FADS2: variants seen among roughly 807,000 people sequenced by gnomAD.
The protein encoded by FADS2 is acyl-CoA 6-desaturase.
A neutral mutation model predicts 61.2 loss-of-function variants in FADS2; 18 were observed. That is an observed-to-expected ratio of 0.29 (90% CI 0.20 to 0.44). The LOEUF is 0.44. Ranked by LOEUF, FADS2 falls within the 20% of genes least tolerant of loss-of-function variation. FADS2 has a pLI of 1.00. For synonymous variants in FADS2, 203 were observed against 223.9 expected (o/e 0.91, Z 0.83); for missense variants, 322 against 572.7 (o/e 0.56, Z 4.47).
intron 5 of FADS2, among the ~76,000 whole-genome samples, chr11:61,850,540 C>T (rs2727263): frequency 0.083 from 12,603 of 152,182 alleles, 1,022 homozygotes; most frequent in East Asian, 0.41. Context: ...TAAGCCACCG[C>T]GCCTGGCCCA....
rs753579199 is a variant in FADS2, at chr11:61,840,768, G to A, written c.618+43G>A. ...TGGGCATCTGTCCTGTTGGACAGCA[G>A]TTGAGACAGAGGGACCAGGATTCCT... On this transcript the variant is annotated intron_variant, in intron 4 of 11. Coordinates refer to ENST00000278840, the MANE Select transcript of FADS2 (RefSeq NM_004265.4). The A allele has an allele frequency of 2.8e-6, 4 of 1,443,976 alleles. No individual in the cohort carries two copies. In the South Asian group the frequency reaches 4.6e-5, roughly 16 times the overall value. The allele number at this position is 1,443,976 out of a possible 1,614,324, so 89.4% of individuals were successfully genotyped here.
Position 61,848,269 on chromosome 11 carries a change from A to T in FADS2, c.729A>T (p.Glu243Asp), listed in dbSNP as rs747125681. 5.8e-5 allele frequency: 93 copies of T among 1,614,080 alleles called. No individual in the cohort carries two copies. Among genetic ancestry groups the T allele is most frequent in the Non-Finnish European group, 7.6e-5 (90 of 1,180,022 alleles). Residue 243 changes from glutamate (E) to aspartate (D), a missense_variant, in exon 5 of 12, where the codon GAA (glutamate) becomes GAT (aspartate). This residue lies in a region of FADS2 where 221 missense variants were observed against 427.9 expected (regional missense o/e 0.52). Transcript: ENST00000278840. ...TGCTGCACGTGTTTGTTCTGGGCGA[A>T]TGGCAGCCCATCGAGGTACGACTAA... is the stretch of plus-strand genomic sequence containing the variant. ...VNMLHVFVLG[E>D]WQPIEYGKKK...
chr11:61,848,028 C>T, intron 4 of FADS2, 131 bp from the exon 5 acceptor site: 2 of 1,073,798 alleles, frequency 1.9e-6, no homozygotes, highest in Non-Finnish European at 1.4e-6. Flanking sequence ...GGATTCTGGC[C>T]TTGTGGGGGC....
At chr11:61,859,336 C>A (rs780319766) in intron 7 of FADS2, among the ~76,000 whole-genome samples, 4 of 152,192 alleles carry the variant, frequency 2.6e-5, no homozygotes, top group Non-Finnish European at 5.9e-5. Context: ...GGATTACAGG[C>A]GTGAGCCACC....
intron 10 of FADS2, chr11:61,864,096 G>A (rs2067441243): frequency 8.7e-6 from 3 of 346,496 alleles, no homozygotes. Flanking sequence ...GACCCTGTGA[G>A]GCTAGCAGGG....
intron 5 of FADS2, 47 bp downstream of exon 5, chr11:61,848,331 C>G (rs174589): frequency 0.19 from 313,544 of 1,609,918 alleles, 33,454 homozygotes; most frequent in Admixed American, 0.32. Context: ...TTGTCCTGGG[C>G]GAATGGCAGA....
chr11:61,857,467 G>A lies in FADS2; in HGVS notation c.819G>A (p.Leu273=). The change falls in exon 7 of 12, where the codon CTG becomes CTA. Residue 273 remains leucine (L), a synonymous_variant. Transcript: ENST00000278840. ...HEYFFLIGPP[L]LIPMYFQYQI... ...TCTCTCCTGCAGTTGGGCCGCCGCT[G>A]CTCATCCCCATGTATTTCCAGTACC... 2 of 1,614,030 alleles carry A rather than the reference G, an allele frequency of 1.2e-6. No homozygotes were observed. The highest frequency in any genetic ancestry group is 1.7e-6 in the Non-Finnish European group (2 of 1,179,964).
In FADS2 at chr11:61,848,175, G is replaced by A; in HGVS notation, c.635G>A (p.Trp212Ter). ...TCCCCACAGGGTGCCTCTGCCAACT[G>A]GTGGAATCATCGCCACTTCCAGCAC... ...IGHLKGASANWWNHRHFQHHA... is the reference protein window; with the variant it reads ...IGHLKGASAN The change falls in exon 5 of 12, where the codon TGG (tryptophan) becomes TAG (stop). Residue 212 changes from tryptophan (W) to a stop codon, truncating the protein, a stop_gained. Transcript: ENST00000278840. LOFTEE classifies it high-confidence loss of function. 6.2e-7 allele frequency: 1 copy of A among 1,614,128 alleles called. No homozygotes were observed. The highest frequency in any genetic ancestry group is 8.5e-7 in the Non-Finnish European group (1 of 1,180,018).
chr11:61,850,060 T>A (rs1005874234), intron 5 of FADS2, among the ~76,000 whole-genome samples: 1 of 151,888 alleles, frequency 6.6e-6, no homozygotes, highest in African/African-American at 2.4e-5. Context: ...AACAAAAAAA[T>A]TCTACCTTGT....
chr11:61,853,290 C>CCCTCCCTCCCTCCCTTCCTTCCTTCCTT (rs1487391139), intron 5 of FADS2, among the ~76,000 whole-genome samples: 1 of 81,692 alleles, frequency 1.2e-5, no homozygotes, highest in Admixed American at 1.3e-4. Flanking sequence ...CTCCCTCCCT[C>CCCTCCCTCCCTCCCTTCCTTCCTTCCTT]CCTTCCTTCC....
Position 61,865,198 on chromosome 11 carries a change from C to T in FADS2, c.1204C>T (p.Leu402=), listed in dbSNP as rs776106972. Residue 402 remains leucine (L), a synonymous_variant, in exon 11 of 12, where the codon CTG becomes TTG. Coordinates refer to ENST00000278840, the MANE Select transcript of FADS2 (RefSeq NM_004265.4). This position sits in a 1 kb window ranked among gnomAD's most constrained non-coding sequence, Gnocchi z 4.1. ...GCACAACTTACACAAGATCGCCCCGCTGGTGAAGTCTCTATGTGCCAAGCA... is the reference window on the plus strand; with the variant it reads ...GCACAACTTACACAAGATCGCCCCGTTGGTGAAGTCTCTATGTGCCAAGCA... The part of the protein sequence containing the change: ...PRHNLHKIAP[L]VKSLCAKHGI... 6 of 1,613,934 alleles carry T rather than the reference C, an allele frequency of 3.7e-6. No homozygotes were observed. Among genetic ancestry groups the T allele is most frequent in the Non-Finnish European group, 5.1e-6 (6 of 1,180,018 alleles).
chr11:61,862,829 C>T (rs1011182830), intron 7 of FADS2, 143 bp from the exon 8 acceptor site: 4 of 674,950 alleles, frequency 5.9e-6, no homozygotes, highest in Admixed American at 4.6e-5. Context: ...AAGCAGGTGG[C>T]GTGTAGTTGC....
rs925606614 is a variant in FADS2 at position 61,848,420 on chromosome 11, C to G, written c.744+136C>G. ...GCGAATGGCAGCCATCGAGGTACGA[C>G]TAAGGGGTTGGTGTTGACCTAGGAA... is the stretch of plus-strand genomic sequence containing the variant. On this transcript the variant is annotated intron_variant, in intron 5 of 11. Transcript: ENST00000278840. 10 of 1,460,074 alleles carry G rather than the reference C, an allele frequency of 6.8e-6. No homozygotes were observed. In the African/African-American group the frequency reaches 1.4e-4, roughly 20 times the overall value. The allele number at this position is 1,460,074 out of a possible 1,614,324, so 90.4% of individuals were successfully genotyped here. A position where few individuals can be genotyped will look rare whatever the true frequency, so the allele number is the denominator to read the frequency against.
At chr11:61,845,984 C>T (rs539587112) in intron 4 of FADS2, among the ~76,000 whole-genome samples, 20 of 152,232 alleles carry the variant, frequency 1.3e-4, no homozygotes, top group African/African-American at 3.9e-4. Context: ...CCAAACATCA[C>T]GCTTACTTGT....
intron 10 of FADS2, among the ~76,000 whole-genome samples, chr11:61,864,391 TTTTA>T (rs1488530826): frequency 6.6e-6 from 1 of 151,272 alleles, no homozygotes; most frequent in Non-Finnish European, 1.5e-5. Flanking sequence ...TTTTTTTTAC[TTTTA>T]TTTATTTATT....
At chr11:61,831,151 G>T (rs1282851717) in intron 1 of FADS2, among the ~76,000 whole-genome samples, 1 of 152,098 alleles carries the variant, frequency 6.6e-6, no homozygotes, top group Non-Finnish European at 1.5e-5. Flanking sequence ...TGAGCAGCGT[G>T]GGGTGGGTGG....
chr11:61,824,431 AGAGGGAGGGAGGGAGGGAGGGAGGGAG>A (rs1565325164), upstream of FADS2, among the ~76,000 whole-genome samples: 2 of 3,824 alleles, frequency 5.2e-4, no homozygotes, highest in African/African-American at 1.1e-3. Context: ...AGAGAGAGAG[AGAGGGAGGGAGGGAGGGAGGGAGGGAG>A]GGAGAGAGAG....
At chr11:61,857,576 G>A in intron 7 of FADS2, 46 bp downstream of exon 7, 3 of 1,540,380 alleles carry the variant, frequency 1.9e-6, no homozygotes, top group Middle Eastern at 1.7e-4. Flanking sequence ...GAGGGTGACT[G>A]GGACAGGGGG....
chr11:61,844,920 G>C (rs1388340515), intron 4 of FADS2, among the ~76,000 whole-genome samples: 2 of 143,530 alleles, frequency 1.4e-5, no homozygotes, highest in African/African-American at 2.6e-5. Context: ...GGAAGACTCC[G>C]TCTCAAAAAA....
Sources: allele counts gnomAD v4.1 joint callset (sites outside exome capture counted in the v4.1 genomes callset), GRCh38; gene constraint gnomAD v4.1.1; regional missense constraint gnomAD v4.1.1; non-coding constraint Gnocchi (gnomAD v3.1); transcripts MANE v1.5; gene names NCBI Gene and HGNC (gene_info 2026-07-23, HGNC 2026-07-21).